EVI5: variants seen among roughly 807,000 people sequenced by gnomAD.
The protein encoded by EVI5 is ecotropic viral integration site 5 protein homolog.
Under a neutral mutation model 112.0 loss-of-function variants are expected in EVI5, and 73 were observed. That is an observed-to-expected ratio of 0.65 (90% CI 0.54 to 0.79). The LOEUF is 0.79. EVI5 is among the 30% of genes least tolerant of loss of function. EVI5 has a pLI of 0.00. For missense variants in EVI5, 900 were observed against 968.8 expected (o/e 0.93, Z 0.94); for synonymous variants, 305 against 319.9 (o/e 0.95, Z 0.50).
At chr1:92,773,074 G>A (rs1683644589) in intron 1 of EVI5, among the ~76,000 whole-genome samples, 1 of 148,858 alleles carries the variant, frequency 6.7e-6, no homozygotes, top group African/African-American at 2.5e-5. Flanking sequence ...GGATGTGGTG[G>A]CACATGCCTG....
At chr1:92,736,316 G>C (rs1677419568) in intron 2 of EVI5, 82 bp downstream of exon 2, 1 of 906,048 alleles carries the variant, frequency 1.1e-6, no homozygotes, top group African/African-American at 1.7e-5. Flanking sequence ...CCAAAAAATA[G>C]AAAAAAAAAT....
chr1:92,654,668 A>T (rs1205615640), intron 13 of EVI5, among the ~76,000 whole-genome samples: 1 of 152,184 alleles, frequency 6.6e-6, no homozygotes, highest in Non-Finnish European at 1.5e-5. Context: ...CTAGCAATAG[A>T]TCCTAACTAA....
chr1:92,555,754 G>A (rs559570798), intron 19 of EVI5, among the ~76,000 whole-genome samples: 13 of 151,036 alleles, frequency 8.6e-5, no homozygotes, highest in Admixed American at 7.9e-4. Flanking sequence ...GGAGGCTGAG[G>A]CAGGAGAATC....
chr1:92,643,045 C>A (rs1483129853), intron 13 of EVI5, among the ~76,000 whole-genome samples: 1 of 152,112 alleles, frequency 6.6e-6, no homozygotes, highest in Non-Finnish European at 1.5e-5. Flanking sequence ...GACAGTTGGT[C>A]TCATCAGGAA....
At chr1:92,587,998 T>A (rs2101186450) in intron 18 of EVI5, among the ~76,000 whole-genome samples, 2 of 152,328 alleles carry the variant, frequency 1.3e-5, no homozygotes, top group East Asian at 3.9e-4. Flanking sequence ...AAAAATTGAC[T>A]TTTCTATGTT....
intron 9 of EVI5, among the ~76,000 whole-genome samples, chr1:92,684,010 T>TA (rs1273754780): frequency 6.6e-6 from 1 of 152,124 alleles, no homozygotes; most frequent in Non-Finnish European, 1.5e-5. Flanking sequence ...TTCCCTAACC[T>TA]AGCAAGGCAG....
intron 19 of EVI5, among the ~76,000 whole-genome samples, chr1:92,556,819 T>C (rs1391824631): frequency 6.7e-6 from 1 of 149,032 alleles, no homozygotes; most frequent in Non-Finnish European, 1.5e-5. Context: ...TACCCTTTTA[T>C]TTTTTTTTTA....
chr1:92,774,208 G>T (rs1468099214), intron 1 of EVI5, among the ~76,000 whole-genome samples: 2 of 152,022 alleles, frequency 1.3e-5, no homozygotes, highest in East Asian at 1.9e-4. Context: ...TTACTTCAAG[G>T]TCTTTTCACC....
At chr1:92,691,422 G>C (rs928128110) in intron 9 of EVI5, among the ~76,000 whole-genome samples, 1 of 151,836 alleles carries the variant, frequency 6.6e-6, no homozygotes, top group Non-Finnish European at 1.5e-5. Flanking sequence ...GTTAAATACA[G>C]ACAATAAGCA....
At chr1:92,682,108 G>A (rs188429106) in intron 9 of EVI5, among the ~76,000 whole-genome samples, 12 of 152,108 alleles carry the variant, frequency 7.9e-5, no homozygotes, top group East Asian at 7.7e-4. Flanking sequence ...CACTGTGCCC[G>A]GCCTCTCACT....
At chr1:92,724,534 A>T (rs1216739792) in intron 2 of EVI5, among the ~76,000 whole-genome samples, 1 of 152,212 alleles carries the variant, frequency 6.6e-6, no homozygotes, top group African/African-American at 2.4e-5. Flanking sequence ...TAGGCTTGGC[A>T]CACTCATTCA....
chr1:92,742,471 G>A (rs1264899316), intron 1 of EVI5, among the ~76,000 whole-genome samples: 2 of 151,736 alleles, frequency 1.3e-5, no homozygotes, highest in Admixed American at 6.6e-5. Context: ...TCAGGAGTTC[G>A]AGACCAGCCT....
intron 2 of EVI5, 43 bp downstream of exon 2, chr1:92,736,355 A>G (rs751201679): frequency 3.8e-6 from 5 of 1,300,620 alleles, no homozygotes. Context: ...GAATGGCTGG[A>G]TTTGTATAAT....
intron 2 of EVI5, among the ~76,000 whole-genome samples, chr1:92,712,942 A>G (rs1397853298): frequency 2.0e-5 from 3 of 150,906 alleles, no homozygotes; most frequent in Non-Finnish European, 4.4e-5. Context: ...GATGAAAAAT[A>G]TATATATAAG....
chr1:92,725,094 C>CAG (rs1675365164), intron 2 of EVI5, among the ~76,000 whole-genome samples: 1 of 152,028 alleles, frequency 6.6e-6, no homozygotes, highest in South Asian at 2.1e-4. Flanking sequence ...AGGTCATGAC[C>CAG]AGAGATGAAA....
intron 18 of EVI5, among the ~76,000 whole-genome samples, chr1:92,585,172 G>T (rs998637061): frequency 6.7e-6 from 1 of 150,130 alleles, no homozygotes; most frequent in South Asian, 2.1e-4. Flanking sequence ...GCAGTGAGCC[G>T]AGATTGCACC....
intron 19 of EVI5, among the ~76,000 whole-genome samples, chr1:92,552,122 G>GAAAAAAAA (rs143454054): frequency 8.1e-6 from 1 of 123,158 alleles, no homozygotes. Flanking sequence ...GGGCTGTAGG[G>GAAAAAAAA]AAAAAAAAAA....
intron 11 of EVI5, among the ~76,000 whole-genome samples, chr1:92,663,719 A>AAGC (rs1558022710): frequency 6.6e-6 from 1 of 152,198 alleles, no homozygotes. Context: ...TACCTGGAAC[A>AAGC]AGCAAATTTT....
chr1:92,781,863 A>C (rs1684900099), intron 1 of EVI5, among the ~76,000 whole-genome samples: 1 of 144,860 alleles, frequency 6.9e-6, no homozygotes, highest in African/African-American at 2.6e-5. Flanking sequence ...TTAAGGCAGG[A>C]GGAATACCTG....
Sources: gnomAD v4.1 joint callset for allele counts (sites outside exome capture counted in the v4.1 genomes callset) on GRCh38, gnomAD v4.1.1 for gene constraint, MANE v1.5 for transcripts, NCBI Gene and HGNC (gene_info 2026-07-23, HGNC 2026-07-21) for gene names.